The following DHRSX variants were observed in gnomAD, a reference collection of about 807,000 sequenced individuals.
DHRSX encodes dehydrogenase/reductase X-linked.
A neutral mutation model predicts 34.0 loss-of-function variants in DHRSX; 31 were observed. The observed-to-expected ratio is 0.91, with a 90% CI of 0.69 to 1.23. The LOEUF is 1.23. Among genes scored for constraint, DHRSX ranks in the 50% most tolerant of loss-of-function variants. DHRSX has a pLI of 0.00. For synonymous variants in DHRSX, 201 were observed against 183.8 expected, an observed-to-expected ratio of 1.09 and a Z score of -0.76; for missense variants, 414 against 428.1, an observed-to-expected ratio of 0.97 and a Z score of 0.29.
intron 1 of DHRSX, among the ~76,000 whole-genome samples, chrX:2,485,783 AGGG>A (rs2044894635): frequency 3.8e-5 from 1 of 26,494 alleles, no homozygotes; most frequent in Non-Finnish European, 6.6e-5. Context: ...AAGGGAGAAA[AGGG>A]AGAGAAGGGA....
intron 1 of DHRSX, among the ~76,000 whole-genome samples, chrX:2,463,016 G>A (rs1038682564): frequency 6.6e-6 from 1 of 152,076 alleles, no homozygotes; most frequent in Non-Finnish European, 1.5e-5. Flanking sequence ...GAGCCCCAGA[G>A]AGCTCCCTCG....
intron 2 of DHRSX, among the ~76,000 whole-genome samples, chrX:2,420,600 G>A (rs889936304): frequency 5.4e-5 from 8 of 149,478 alleles, no homozygotes; most frequent in African/African-American, 2.0e-4. Context: ...AAAATTAGCT[G>A]GGTGTGGTGG....
At chrX:2,489,775 G>GCAGCGCGA (rs1569345525) in intron 1 of DHRSX, 6 of 1,613,402 alleles carry the variant, frequency 3.7e-6, no homozygotes, top group Non-Finnish European at 5.1e-6. Context: ...CCAGTTTGCG[G>GCAGCGCGA]CAGCGCGACA....
intron 5 of DHRSX, among the ~76,000 whole-genome samples, chrX:2,266,308 G>A (rs1348453926): frequency 2.1e-5 from 3 of 139,692 alleles, no homozygotes; most frequent in South Asian, 2.3e-4. Context: ...ACCGTCCCCA[G>A]AGCACCAATG....
chrX:2,262,912 G>A (rs1331743914), intron 5 of DHRSX, among the ~76,000 whole-genome samples: 3 of 152,160 alleles, frequency 2.0e-5, no homozygotes, highest in African/African-American at 4.8e-5. Context: ...AGGCCCCCAC[G>A]GCCCTCCCTT....
intron 1 of DHRSX, among the ~76,000 whole-genome samples, chrX:2,459,397 T>A (rs965066745): frequency 1.6e-4 from 24 of 151,808 alleles, no homozygotes; most frequent in Non-Finnish European, 2.4e-4. Context: ...ATTAGGTCAA[T>A]GGTTAATATG....
At chrX:2,386,882 GTTT>G (rs57827913) in intron 3 of DHRSX, among the ~76,000 whole-genome samples, 106 of 124,086 alleles carry the variant, frequency 8.5e-4, no homozygotes, top group Middle Eastern at 4.1e-3. Context: ...TGATGGTTTT[GTTT>G]TTTTTTTTTT....
chrX:2,484,709 C>G (rs1383709268), intron 1 of DHRSX, among the ~76,000 whole-genome samples: 1 of 152,104 alleles, frequency 6.6e-6, no homozygotes, highest in Non-Finnish European at 1.5e-5. Flanking sequence ...GCAGAAATCA[C>G]TGGGAAAGGA....
At chrX:2,236,963 C>A (rs770140221) in intron 6 of DHRSX, among the ~76,000 whole-genome samples, 1 of 151,726 alleles carries the variant, frequency 6.6e-6, no homozygotes, top group Non-Finnish European at 1.5e-5. Context: ...CCGAGGCAGG[C>A]GGCTCACTCG....
At chrX:2,462,820 C>G (rs1181232430) in intron 1 of DHRSX, among the ~76,000 whole-genome samples, 8 of 151,614 alleles carry the variant, frequency 5.3e-5, no homozygotes, top group Admixed American at 5.3e-4. Context: ...AAAAAAAAAG[C>G]TTAACTATTA....
intron 3 of DHRSX, among the ~76,000 whole-genome samples, chrX:2,390,389 C>T (rs1219325118): frequency 1.3e-5 from 2 of 151,796 alleles, no homozygotes; most frequent in South Asian, 2.1e-4. Context: ...CCACCCGCCT[C>T]GGCCTCCCAA....
Position 2,266,827 on chromosome X carries a change from C to G in DHRSX, c.509G>C (p.Gly170Ala). Reference protein sequence around the residue: ...NLLLDTLKESGSPGHSARVVT... With the variant: ...NLLLDTLKESASPGHSARVVT... ...CACCCTCGCACTGTGGCCAGGGGAC[C>G]CAGACTCTTTCAGCGTATCCAAGAG... The change falls in exon 5 of 7, where the codon GGG becomes GCG. Residue 170 changes from glycine (G) to alanine (A), a missense_variant. Physicochemically the swap from Gly to Ala is moderately conservative, Grantham distance 60. Transcript: ENST00000334651. The G allele has an allele frequency of 6.2e-7, 1 of 1,613,920 alleles. No homozygotes were observed. The highest frequency in any genetic ancestry group is 8.5e-7 in the Non-Finnish European group (1 of 1,179,856).
At chrX:2,472,040 A>G (rs2044600961) in intron 1 of DHRSX, among the ~76,000 whole-genome samples, 1 of 151,606 alleles carries the variant, frequency 6.6e-6, no homozygotes, top group African/African-American at 2.4e-5. Flanking sequence ...AGTTACTCAG[A>G]AGGCTGAGGC....
chrX:2,362,451 C>G (rs772235093), intron 3 of DHRSX, among the ~76,000 whole-genome samples: 1 of 152,292 alleles, frequency 6.6e-6, no homozygotes, highest in African/African-American at 2.4e-5. Context: ...CAGGCGCCCA[C>G]CACCATATGC....
chrX:2,411,080 T>C (rs2043621303), intron 2 of DHRSX, among the ~76,000 whole-genome samples: 1 of 152,152 alleles, frequency 6.6e-6, no homozygotes. Flanking sequence ...ATAAATGTCC[T>C]ATGCATCAAA....
intron 1 of DHRSX, among the ~76,000 whole-genome samples, chrX:2,444,923 G>A (rs1413443203): frequency 1.4e-4 from 21 of 152,122 alleles, no homozygotes; most frequent in African/African-American, 2.2e-4. Context: ...TTGGGAGGCC[G>A]AGGCGGGCAG....
chrX:2,473,256 A>T (rs1261520153), intron 1 of DHRSX, among the ~76,000 whole-genome samples: 1 of 152,172 alleles, frequency 6.6e-6, no homozygotes, highest in Non-Finnish European at 1.5e-5. Context: ...AGTCCAGACC[A>T]CACGGAAGGT....
intron 1 of DHRSX, among the ~76,000 whole-genome samples, chrX:2,457,496 G>C (rs1329041412): frequency 6.7e-6 from 1 of 150,176 alleles, no homozygotes; most frequent in African/African-American, 2.5e-5. Context: ...ATGCAGCCAA[G>C]GGACAGCACT....
intron 4 of DHRSX, among the ~76,000 whole-genome samples, chrX:2,271,220 C>T (rs1466402074): frequency 6.6e-6 from 1 of 152,200 alleles, no homozygotes; most frequent in Non-Finnish European, 1.5e-5. Context: ...CCAGGCACAT[C>T]TGAACATCTG....
Sources: gnomAD v4.1 joint callset for allele counts (sites outside exome capture counted in the v4.1 genomes callset) on GRCh38, gnomAD v4.1.1 for gene constraint, MANE v1.5 for transcripts, NCBI Gene and HGNC (gene_info 2026-07-23, HGNC 2026-07-21) for gene names.